WDFY3: variants seen among roughly 807,000 people sequenced by gnomAD.
The protein encoded by WDFY3 is WD repeat and FYVE domain-containing protein 3.
A neutral mutation model predicts 409.6 loss-of-function variants in WDFY3; 66 were observed. The ratio of observed to expected loss-of-function variants is 0.16; its 90% CI spans 0.13 to 0.20. The LOEUF (loss-of-function observed/expected upper bound fraction) is 0.20. Ranked by LOEUF, WDFY3 falls within the 10% of genes least tolerant of loss-of-function variation. The pLI is 1.00. For synonymous variants in WDFY3, 1,521 were observed against 1,537.1 expected (o/e 0.99, Z 0.25); for missense variants, 3,031 against 4,298.1 (o/e 0.71, Z 8.24).
intron 4 of WDFY3, among the ~76,000 whole-genome samples, chr4:84,852,681 G>A (rs879261440): frequency 1.3e-5 from 2 of 151,874 alleles, no homozygotes; most frequent in Non-Finnish European, 2.9e-5. Context: ...TTTTTTTCCT[G>A]AGATTTTGAT....
At chr4:84,858,365 T>C (rs1474607519) in intron 4 of WDFY3, among the ~76,000 whole-genome samples, 2 of 151,972 alleles carry the variant, frequency 1.3e-5, no homozygotes, top group African/African-American at 4.8e-5. Context: ...ACAAGAACAC[T>C]GATATGTGAA....
chr4:84,783,858 TACATACACACACACAC>T (rs1212217359), intron 24 of WDFY3, among the ~76,000 whole-genome samples: 1 of 129,718 alleles, frequency 7.7e-6, no homozygotes, highest in African/African-American at 3.2e-5. Context: ...ATATGTGTCA[TACATACACACACACAC>T]ACACACACAC....
At chr4:84,830,663 C>A (rs887320731) in intron 8 of WDFY3, among the ~76,000 whole-genome samples, 1 of 152,120 alleles carries the variant, frequency 6.6e-6, no homozygotes, top group Admixed American at 6.5e-5. Context: ...ATACTTTAAA[C>A]CAACAGTGTC....
chr4:84,679,845 C>T (rs113817660), intron 64 of WDFY3, among the ~76,000 whole-genome samples: 31 of 146,426 alleles, frequency 2.1e-4, no homozygotes, highest in Middle Eastern at 3.5e-3. Context: ...TATATATACA[C>T]ACACACACAC....
intron 35 of WDFY3, 30 bp from the exon 36 acceptor site, chr4:84,751,746 A>C (rs1740552884): frequency 6.2e-7 from 1 of 1,608,824 alleles, no homozygotes; most frequent in South Asian, 1.1e-5. Context: ...AGATACGGTA[A>C]TCACATTAGA....
In WDFY3 at chr4:84,753,845, A is replaced by G; in HGVS notation, c.5591T>C (p.Leu1864Pro). 6.2e-7 allele frequency: 1 copy of G among 1,604,900 alleles called. No individual in the cohort carries two copies. The highest frequency in any genetic ancestry group is 2.2e-5 in the East Asian group (1 of 44,590). Reference sequence around the variant, plus strand: ...CATCAGGGTCACAGGATATTCTCGGAGCCAAGATCCCTCTTCTTCTGATTG... The same window carrying G: ...CATCAGGGTCACAGGATATTCTCGGGGCCAAGATCCCTCTTCTTCTGATTG... ...PWQSEEEGSW[L>P]REYPVTLMQF... The change falls in exon 35 of 68, where the codon CTC becomes CCC. Residue 1864 changes from leucine (L) to proline (P), a missense_variant. This residue lies in a region of WDFY3 where 342 missense variants were observed against 463.7 expected (regional missense o/e 0.74). Transcript: ENST00000295888.
intron 56 of WDFY3, among the ~76,000 whole-genome samples, 188 bp downstream of exon 56, chr4:84,702,165 G>A (rs546814763): frequency 3.9e-5 from 6 of 152,100 alleles, no homozygotes; most frequent in South Asian, 4.1e-4. Context: ...CCACCACCAC[G>A]TCTGGCTAAT....
chr4:84,844,289 T>A lies in WDFY3; in HGVS notation c.305-3026A>T, dbSNP rs189678594. On this transcript the variant is annotated intron_variant, in intron 5 of 67. Transcript: ENST00000295888. Reference sequence around the variant, plus strand: ...TCACAATGATGGTGAGTCACATTAATGGTATTATTATACTTATTTAATTAA... The same window carrying A: ...TCACAATGATGGTGAGTCACATTAAAGGTATTATTATACTTATTTAATTAA... 1.1e-3 allele frequency among the ~76,000 whole-genome samples: 173 copies of A among 152,326 alleles called. 2 individuals are homozygous for A. The highest frequency in any genetic ancestry group is 3.9e-3 in the African/African-American group (162 of 41,572).
intron 8 of WDFY3, among the ~76,000 whole-genome samples, chr4:84,829,597 TAGAG>T (rs1755365869): frequency 6.6e-6 from 1 of 151,968 alleles, no homozygotes; most frequent in Admixed American, 6.6e-5. Context: ...AACTTTAAGT[TAGAG>T]AGAATATATA....
intron 1 of WDFY3, among the ~76,000 whole-genome samples, chr4:84,939,011 A>G (rs1771777696): frequency 6.6e-6 from 1 of 152,212 alleles, no homozygotes; most frequent in African/African-American, 2.4e-5. Flanking sequence ...TAATTTTTCA[A>G]TTGATCCAAT....
At chr4:84,964,564 G>C (rs559283314) in intron 1 of WDFY3, among the ~76,000 whole-genome samples, 5 of 152,344 alleles carry the variant, frequency 3.3e-5, no homozygotes, top group African/African-American at 1.2e-4. Context: ...CTTCAAAGCA[G>C]AGAATCCAAC....
chr4:84,962,514 G>A (rs1471062443), intron 1 of WDFY3, among the ~76,000 whole-genome samples: 1 of 152,048 alleles, frequency 6.6e-6, no homozygotes, highest in Non-Finnish European at 1.5e-5. Flanking sequence ...ACTCATGACA[G>A]GGCATGAGTG....
intron 3 of WDFY3, among the ~76,000 whole-genome samples, chr4:84,887,651 A>G (rs1358990198): frequency 6.6e-6 from 1 of 152,330 alleles, no homozygotes; most frequent in Middle Eastern, 3.4e-3. Flanking sequence ...ACAAAATGGT[A>G]TGCCTACTTT....
At chr4:84,895,673 T>C (rs931950799) in intron 3 of WDFY3, among the ~76,000 whole-genome samples, 16 of 152,132 alleles carry the variant, frequency 1.1e-4, no homozygotes, top group Admixed American at 9.8e-4. Flanking sequence ...TAGTGTGATA[T>C]GTGGGATAGA....
At chr4:84,906,439 T>C (rs1001055965) in intron 2 of WDFY3, among the ~76,000 whole-genome samples, 1 of 152,130 alleles carries the variant, frequency 6.6e-6, no homozygotes, top group African/African-American at 2.4e-5. Context: ...CTAGCTCAAG[T>C]AAATAATTAT....
intron 27 of WDFY3, among the ~76,000 whole-genome samples, chr4:84,775,594 A>C (rs1264349072): frequency 6.6e-6 from 1 of 152,000 alleles, no homozygotes; most frequent in Non-Finnish European, 1.5e-5. Flanking sequence ...AAATACTAAA[A>C]AGAAATGACC....
In WDFY3 at chr4:84,690,417, C is replaced by T; in HGVS notation, c.9363+89G>A. The T allele has an allele frequency of 1.9e-6, 3 of 1,583,610 alleles. No homozygotes were observed. The South Asian group carries it at 3.4e-5, about 18-fold the overall frequency. On this transcript the variant is annotated intron_variant, in intron 61 of 67. Coordinates refer to ENST00000295888, the MANE Select transcript of WDFY3 (RefSeq NM_014991.6). Reference sequence around the variant, plus strand: ...TTTGTCCATTAGATCTGAAGTACCTCAGAATTAAGGAAGCTTTTTACTTCC... The same window carrying T: ...TTTGTCCATTAGATCTGAAGTACCTTAGAATTAAGGAAGCTTTTTACTTCC...
intron 1 of WDFY3, among the ~76,000 whole-genome samples, chr4:84,947,507 G>A (rs1046616667): frequency 6.0e-5 from 8 of 133,274 alleles, no homozygotes; most frequent in Non-Finnish European, 9.5e-5. Flanking sequence ...GCGAGAATCC[G>A]TCTCAAAAAT....
At chr4:84,895,897 A>C (rs914822549) in intron 3 of WDFY3, among the ~76,000 whole-genome samples, 4 of 152,182 alleles carry the variant, frequency 2.6e-5, no homozygotes, top group African/African-American at 7.2e-5. Context: ...TTAAGCTGGA[A>C]ATAAATTGAA....
Sources: allele counts gnomAD v4.1 joint callset (sites outside exome capture counted in the v4.1 genomes callset), GRCh38; gene constraint gnomAD v4.1.1; regional missense constraint gnomAD v4.1.1; transcripts MANE v1.5; gene names NCBI Gene and HGNC (gene_info 2026-07-23, HGNC 2026-07-21).